The following BPIFB6 variants were observed in gnomAD, a reference collection of about 807,000 sequenced individuals.
BPIFB6 encodes the protein BPI fold-containing family B member 6.
A neutral mutation model predicts 54.7 loss-of-function variants in BPIFB6; 47 were observed. The observed-to-expected ratio is 0.86, with a 90% CI of 0.68 to 1.10. BPIFB6 has a LOEUF of 1.10. Among genes scored for constraint, BPIFB6 ranks in the 50% least tolerant of loss-of-function variants. The pLI is 0.00. For synonymous variants in BPIFB6, 255 were observed against 225.9 expected (o/e 1.13, Z -1.16); for missense variants, 603 against 564.1 (o/e 1.07, Z -0.70).
chr20:33,041,605 C>T (rs1221262630), intron 11 of BPIFB6, among the ~76,000 whole-genome samples: 1 of 152,014 alleles, frequency 6.6e-6, no homozygotes, highest in Non-Finnish European at 1.5e-5. Context: ...AGGGACGGGG[C>T]TGGGGGAAGG....
chr20:33,036,488 G>A lies in BPIFB6; in HGVS notation c.621G>A (p.Leu207=), dbSNP rs771324533. ...VGQMGTVKYV[L]MSAPATTASY... is the part of the protein sequence containing the mutation. ...AGATGGGCACCGTCAAATATGTTCT[G>A]ATGTCCGCACCAGCCACCACAGCCA... The change falls in exon 7 of 15, where the codon CTG becomes CTA. Residue 207 remains leucine, a synonymous_variant. Coordinates refer to ENST00000349552, the MANE Select transcript of BPIFB6 (RefSeq NM_174897.2). The A allele has an allele frequency of 1.2e-6, 2 of 1,614,148 alleles. No individual in the cohort carries two copies. Among genetic ancestry groups the A allele is most frequent in the East Asian group, 2.2e-5 (1 of 44,870 alleles).
At chr20:33,037,805 T>C in intron 8 of BPIFB6, 67 bp downstream of exon 8, 2 of 1,554,736 alleles carry the variant, frequency 1.3e-6, no homozygotes, top group African/African-American at 1.4e-5. Context: ...GCCTAGTTTT[T>C]CTATCATGAA....
At position 33,035,611 on chromosome 20, in the gene BPIFB6, G is replaced by A; in HGVS notation, c.517-1G>A. On this transcript the variant is annotated splice_acceptor_variant, in intron 5 of 14. Transcript: ENST00000349552. LOFTEE classifies it high-confidence loss of function. ...CAGCCCAGTGCCTTCTCTGCTTCCA[G>A]ATGTGTCCCGCCATCGATGCAGTCC... 6.2e-7 allele frequency: 1 copy of A among 1,614,194 alleles called. No homozygotes were observed. Among genetic ancestry groups the A allele is most frequent in the Non-Finnish European group, 8.5e-7 (1 of 1,180,038 alleles).
intron 8 of BPIFB6, among the ~76,000 whole-genome samples, chr20:33,038,463 C>T: frequency 6.6e-6 from 1 of 152,128 alleles, no homozygotes. Flanking sequence ...TGTCATTCAT[C>T]CACCCACCCA....
Position 33,042,885 on chromosome 20 carries a change from GT to G in BPIFB6, c.1252+9del, listed in dbSNP as rs1288673235. 3.1e-6 allele frequency: 5 copies of G among 1,613,532 alleles called. No homozygotes were observed. The highest frequency in any genetic ancestry group is 4.2e-6 in the Non-Finnish European group (5 of 1,179,598). ...TACATCCCAGTTGTCAATGGTGAGG[GT>G]TCCAAAAGGCTTTGGACCATGGTGC... On this transcript the variant is annotated splice_region_variant and intron_variant, in intron 13 of 14. Coordinates refer to ENST00000349552, the MANE Select transcript of BPIFB6 (RefSeq NM_174897.2).
rs1470481259 is a variant in BPIFB6, at chr20:33,035,606, T to C, written c.517-6T>C. ...CCTCTCAGCCCAGTGCCTTCTCTGC[T>C]TCCAGATGTGTCCCGCCATCGATGC... On this transcript the variant is annotated splice_region_variant and splice_polypyrimidine_tract_variant and intron_variant, in intron 5 of 14. Transcript: ENST00000349552. The C allele has an allele frequency of 1.2e-6, 2 of 1,614,058 alleles. No individual in the cohort carries two copies. Among genetic ancestry groups the C allele is most frequent in the Non-Finnish European group, 1.7e-6 (2 of 1,180,032 alleles).
At chr20:33,037,541 C>T (rs746262833) in intron 7 of BPIFB6, 21 bp from the exon 8 acceptor site, 1 of 1,590,692 alleles carries the variant, frequency 6.3e-7, no homozygotes, top group East Asian at 2.3e-5. Context: ...GGCTGAGTGT[C>T]TCCCTCCTGC....
At position 33,036,432 on chromosome 20, in the gene BPIFB6, C is replaced by T. The variant is rs745568577; in HGVS notation, c.578-13C>T. 4 of 1,605,662 alleles carry T rather than the reference C, an allele frequency of 2.5e-6. No homozygotes were observed. Among genetic ancestry groups the T allele is most frequent in the Non-Finnish European group, 3.4e-6 (4 of 1,175,480 alleles). On this transcript the variant is annotated splice_polypyrimidine_tract_variant and intron_variant, in intron 6 of 14. Transcript: ENST00000349552. ...GTTGGTGCCTCTTTGAGTGGAACCT[C>T]CTTTTCACACAGACCCCATGCCTGT...
intron 8 of BPIFB6, 119 bp from the exon 9 acceptor site, chr20:33,038,790 C>T (rs563023159): frequency 1.5e-5 from 14 of 944,292 alleles, no homozygotes; most frequent in South Asian, 5.4e-5. Flanking sequence ...AAACTCAGAG[C>T]GTTAAGTATT....
At position 33,031,820 on chromosome 20, in the gene BPIFB6, G is replaced by A. The variant is rs548137706; in HGVS notation, c.97+76G>A. Reference sequence around the variant, plus strand: ...AGGTGGTAGGTAGTCACTGCTCTTGGTTGCACATCCTGGAGCATCCCGTGA... The same window carrying A: ...AGGTGGTAGGTAGTCACTGCTCTTGATTGCACATCCTGGAGCATCCCGTGA... On this transcript the variant is annotated intron_variant, in intron 1 of 14. Coordinates refer to ENST00000349552, the MANE Select transcript of BPIFB6 (RefSeq NM_174897.2). 32 of 1,215,286 alleles carry A rather than the reference G, an allele frequency of 2.6e-5. No homozygotes were observed. The Middle Eastern group carries it at 2.6e-3, about 100-fold the overall frequency. The allele number at this position is 1,215,286 out of a possible 1,614,324, so 75.3% of individuals were successfully genotyped here.
intron 7 of BPIFB6, 43 bp downstream of exon 7, chr20:33,036,579 C>T (rs550937059): frequency 6.5e-7 from 1 of 1,534,824 alleles, no homozygotes; most frequent in Admixed American, 1.7e-5. Flanking sequence ...CTCAGGCTCA[C>T]TGGTCTGGGT....
intron 12 of BPIFB6, among the ~76,000 whole-genome samples, chr20:33,042,334 C>A (rs572318630): frequency 2.0e-5 from 3 of 152,212 alleles, no homozygotes; most frequent in Non-Finnish European, 2.9e-5. Context: ...CAGGGCCCAA[C>A]ACAGAACCTG....
At chr20:33,039,214 C>A (rs1979471220) in intron 9 of BPIFB6, 133 bp from the exon 10 acceptor site, 1 of 993,372 alleles carries the variant, frequency 1.0e-6, no homozygotes, top group South Asian at 1.7e-5. Context: ...TCCTGATAGA[C>A]ACATCCTGGC....
rs1231937909 is a variant in BPIFB6 at position 33,039,422 on chromosome 20, A to C, written c.976A>C (p.Lys326Gln). ...AAAGAAGCCTCCCAAGGTCACTATG[A>C]AGACAGGCAAGAGCCTGCTGCACCT... ...KIKKPPKVTM[K>Q]TGKSLLHLHS... The change falls in exon 10 of 15, where the codon AAG becomes CAG. Residue 326 changes from lysine to glutamine, a missense_variant. By Grantham distance (53) the Lys-to-Gln change is moderately conservative. Transcript: ENST00000349552. 6.2e-7 allele frequency: 1 copy of C among 1,614,086 alleles called. No individual in the cohort carries two copies. The highest frequency in any genetic ancestry group is 1.3e-5 in the African/African-American group (1 of 74,932).
intron 7 of BPIFB6, among the ~76,000 whole-genome samples, chr20:33,037,179 C>T (rs754596441): frequency 2.6e-5 from 4 of 152,158 alleles, no homozygotes; most frequent in Non-Finnish European, 2.9e-5. Context: ...GATGTCACCC[C>T]GCTGTGAAGT....
chr20:33,036,406 G>A lies in BPIFB6; in HGVS notation c.578-39G>A, dbSNP rs201073473. ...GCCAGCTTCTCTGGGCTGTTCCTGG[G>A]GTTGGTGCCTCTTTGAGTGGAACCT... is the stretch of plus-strand genomic sequence containing the variant. On this transcript the variant is annotated intron_variant, in intron 6 of 14. Transcript: ENST00000349552. 8.2e-5 allele frequency: 127 copies of A among 1,556,268 alleles called. No individual in the cohort carries two copies. In the African/African-American group the frequency reaches 1.4e-3, roughly 18 times the overall value.
intron 1 of BPIFB6, among the ~76,000 whole-genome samples, 183 bp downstream of exon 1, chr20:33,031,927 G>A (rs1204012060): frequency 6.6e-6 from 1 of 152,154 alleles, no homozygotes; most frequent in Non-Finnish European, 1.5e-5. Context: ...GAGAAAATGG[G>A]ATGATTTTCC....
Position 33,043,295 on chromosome 20 carries a change from G to T in BPIFB6, c.1257G>T (p.Val419=). The T allele has an allele frequency of 6.2e-7, 1 of 1,614,036 alleles. No individual in the cohort carries two copies. Among genetic ancestry groups the T allele is most frequent in the South Asian group, 1.1e-5 (1 of 91,066 alleles). The change falls in exon 14 of 15, where the codon GTG becomes GTT. Residue 419 remains valine (V), a synonymous_variant. Transcript: ENST00000349552. ...EEAYIPVVND[V]LQVGLPLPDF... ...GACTCTTACTGTATTTCTCAGATGTGCTTCAAGTGGGGCTCCCACTCCCGG... is the reference window on the plus strand; with the variant it reads ...GACTCTTACTGTATTTCTCAGATGTTCTTCAAGTGGGGCTCCCACTCCCGG...
At chr20:33,043,168 G>A (rs1465509810) in intron 13 of BPIFB6, 123 bp from the exon 14 acceptor site, 1 of 879,324 alleles carries the variant, frequency 1.1e-6, no homozygotes, top group Non-Finnish European at 1.9e-6. Context: ...CTCTTTGCTT[G>A]TACAGCTGGC....
Sources: allele counts gnomAD v4.1 joint callset (sites outside exome capture counted in the v4.1 genomes callset), GRCh38; gene constraint gnomAD v4.1.1; transcripts MANE v1.5; gene names NCBI Gene and HGNC (gene_info 2026-07-23, HGNC 2026-07-21).